The following STXBP3 variants were observed in gnomAD, a reference collection of about 807,000 sequenced individuals.
STXBP3 encodes syntaxin binding protein 3, also known as syntaxin-binding protein 3.
A neutral mutation model predicts 85.7 loss-of-function variants in STXBP3; 41 were observed. That is an observed-to-expected ratio of 0.48 (90% confidence interval 0.37 to 0.62). The LOEUF (loss-of-function observed/expected upper bound fraction) is 0.62. Ranked by LOEUF, STXBP3 falls within the 20% of genes least tolerant of loss-of-function variation. The pLI is 0.00. For synonymous variants in STXBP3, 229 were observed against 231.7 expected (o/e 0.99, Z 0.10); for missense variants, 563 against 703.1 (o/e 0.80, Z 2.25).
intron 15 of STXBP3, among the ~76,000 whole-genome samples, chr1:108,797,564 C>T (rs1465521694): frequency 1.3e-5 from 2 of 151,198 alleles, no homozygotes; most frequent in Admixed American, 6.6e-5. Context: ...GCCTGCCATC[C>T]GCCCAGCTAA....
chr1:108,780,192 TATG>T (rs1337187947), intron 9 of STXBP3: 1 of 152,180 alleles, frequency 6.6e-6, no homozygotes, highest in African/African-American at 2.4e-5. Flanking sequence ...TTGTGATAGT[TATG>T]ATACTGTTTT....
intron 17 of STXBP3, among the ~76,000 whole-genome samples, chr1:108,802,612 C>T (rs1024832403): frequency 2.6e-5 from 4 of 152,156 alleles, no homozygotes; most frequent in African/African-American, 4.8e-5. Context: ...GTTACATATT[C>T]ACCACCACCG....
intron 17 of STXBP3, among the ~76,000 whole-genome samples, chr1:108,806,347 A>G (rs1663331293): frequency 6.6e-6 from 1 of 152,142 alleles, no homozygotes; most frequent in Non-Finnish European, 1.5e-5. Flanking sequence ...TTTAATTTCA[A>G]CTAATTTAAA....
chr1:108,771,231 A>G (rs560731888), intron 6 of STXBP3, among the ~76,000 whole-genome samples: 1 of 150,376 alleles, frequency 6.6e-6, no homozygotes, highest in East Asian at 1.9e-4. Flanking sequence ...GAGAAAAGAA[A>G]TAAAGGATGA....
chr1:108,769,746 T>C (rs539071180), intron 6 of STXBP3, among the ~76,000 whole-genome samples: 3 of 152,208 alleles, frequency 2.0e-5, no homozygotes, highest in African/African-American at 7.2e-5. Context: ...CTTTGGTACA[T>C]TGGGGTATTA....
chr1:108,778,177 A>T (rs1662628001), intron 8 of STXBP3, among the ~76,000 whole-genome samples: 1 of 152,200 alleles, frequency 6.6e-6, no homozygotes, highest in Admixed American at 6.5e-5. Flanking sequence ...AAAATATTTT[A>T]AAAATCTAGC....
intron 1 of STXBP3, among the ~76,000 whole-genome samples, chr1:108,749,058 G>A (rs1661852559): frequency 6.6e-6 from 1 of 152,170 alleles, no homozygotes; most frequent in South Asian, 2.1e-4. Flanking sequence ...GATTGAAATA[G>A]CAAAGGTGTT....
chr1:108,796,187 A>C (rs1663091603), intron 13 of STXBP3, 47 bp from the exon 14 acceptor site: 2 of 1,586,594 alleles, frequency 1.3e-6, no homozygotes, highest in Non-Finnish European at 1.7e-6. Context: ...TTAACTAAAA[A>C]ATGAATTTTG....
intron 3 of STXBP3, among the ~76,000 whole-genome samples, chr1:108,754,088 A>C (rs1194278771): frequency 7.0e-6 from 1 of 143,174 alleles, no homozygotes; most frequent in East Asian, 2.0e-4. Flanking sequence ...GCTGGAGTGC[A>C]GTAGTGCGAT....
chr1:108,768,459 T>C (rs573414321), intron 6 of STXBP3, among the ~76,000 whole-genome samples: 27 of 152,278 alleles, frequency 1.8e-4, no homozygotes, highest in African/African-American at 6.5e-4. Flanking sequence ...GATGTATTTT[T>C]ATAAGGTAGT....
intron 3 of STXBP3, among the ~76,000 whole-genome samples, chr1:108,755,846 G>T (rs960222770): frequency 4.6e-5 from 7 of 152,112 alleles, no homozygotes; most frequent in Admixed American, 4.6e-4. Context: ...TGATTGTCTA[G>T]TAGTAGTTAT....
intron 5 of STXBP3, 109 bp downstream of exon 5, chr1:108,758,697 A>G (rs1662069475): frequency 1.7e-5 from 8 of 468,112 alleles, no homozygotes; most frequent in Middle Eastern, 4.0e-4. Context: ...TACTTTTTAT[A>G]ATATTATTTC....
At chr1:108,807,343 T>C in intron 17 of STXBP3, 58 bp from the exon 18 acceptor site, 5 of 1,541,404 alleles carry the variant, frequency 3.2e-6, no homozygotes, top group Non-Finnish European at 4.4e-6. Context: ...CTACAAGCAT[T>C]ATGGCTTTGG....
At chr1:108,756,974 C>T (rs544579010) in intron 4 of STXBP3, 1 of 350,336 alleles carries the variant, frequency 2.9e-6, no homozygotes, top group African/African-American at 2.1e-5. Context: ...CCTTTTTTCC[C>T]CATATATGAA....
At chr1:108,801,997 T>C (rs1663242622) in intron 17 of STXBP3, among the ~76,000 whole-genome samples, 1 of 152,106 alleles carries the variant, frequency 6.6e-6, no homozygotes, top group Non-Finnish European at 1.5e-5. Context: ...TTTCCTGGAC[T>C]TTCTCAGGTT....
intron 9 of STXBP3, 61 bp downstream of exon 9, chr1:108,779,471 T>G: frequency 6.7e-7 from 1 of 1,490,214 alleles, no homozygotes; most frequent in African/African-American, 1.4e-5. Flanking sequence ...TATGAGCATT[T>G]AATGATTTAT....
rs1177942787 is a variant in STXBP3, at chr1:108,807,506, T to C, written c.1641T>C (p.Ala547=). Residue 547 remains alanine (A), a synonymous_variant, in exon 18 of 19, where the codon GCT becomes GCC. Coordinates refer to ENST00000370008, the MANE Select transcript of STXBP3 (RefSeq NM_007269.4). ...GGITYSEVRC[A]YEVSQAHKSC... The stretch of plus-strand genomic sequence containing the variant: ...TCACATACTCTGAAGTGCGTTGTGC[T>C]TATGAAGTTTCTCAGGCACATAAAT... 1.2e-6 allele frequency: 2 copies of C among 1,613,250 alleles called. No homozygotes were observed. Among genetic ancestry groups the C allele is most frequent in the South Asian group, 2.2e-5 (2 of 90,848 alleles).
At chr1:108,793,209 A>G (rs1044697894) in intron 11 of STXBP3, among the ~76,000 whole-genome samples, 2 of 102,798 alleles carry the variant, frequency 1.9e-5, no homozygotes, top group African/African-American at 3.9e-5. Context: ...ATTGCTCTCT[A>G]CTTGAACTGT....
At position 108,752,270 on chromosome 1, in the gene STXBP3, A is replaced by G; in HGVS notation, c.63A>G (p.Thr21=). ...KSVVWQKIKA[T]VFDDCKKEGE... ...TTTTTTAAACAGAGATAAAAGCAAC[A>G]GTGTTTGATGACTGCAAGAAAGAAG... Residue 21 remains threonine (T), a synonymous_variant, in exon 2 of 19, where the codon ACA becomes ACG. Transcript: ENST00000370008. The G allele has an allele frequency of 6.2e-7, 1 of 1,611,496 alleles. No homozygotes were observed. Among genetic ancestry groups the G allele is most frequent in the South Asian group, 1.1e-5 (1 of 90,490 alleles).
Sources: allele counts gnomAD v4.1 joint callset (sites outside exome capture counted in the v4.1 genomes callset), GRCh38; gene constraint gnomAD v4.1.1; transcripts MANE v1.5; gene names NCBI Gene and HGNC (gene_info 2026-07-23, HGNC 2026-07-21).